GLCCI1: variants seen among roughly 807,000 people sequenced by gnomAD.
The protein encoded by GLCCI1 is glucocorticoid-induced transcript 1 protein.
In GLCCI1, 24 loss-of-function variants were observed where a neutral mutation model predicts 52.2. The ratio of observed to expected loss-of-function variants is 0.46; its 90% confidence interval spans 0.33 to 0.65. GLCCI1 has a LOEUF of 0.65. Among genes scored for constraint, GLCCI1 ranks in the 30% least tolerant of loss-of-function variants. GLCCI1 has a pLI of 0.02. For missense variants in GLCCI1, 704 were observed against 701.5 expected, an observed-to-expected ratio of 1.00 and a Z score of -0.04; for synonymous variants, 310 against 276.5, an observed-to-expected ratio of 1.12 and a Z score of -1.20.
chr7:8,061,641 T>C (rs1156546375), intron 5 of GLCCI1, among the ~76,000 whole-genome samples: 1 of 149,784 alleles, frequency 6.7e-6, no homozygotes, highest in East Asian at 2.0e-4. Flanking sequence ...ATGGCATCTC[T>C]GTTTACCATT....
chr7:7,995,823 C>T (rs1780927306), intron 1 of GLCCI1, among the ~76,000 whole-genome samples: 1 of 151,914 alleles, frequency 6.6e-6, no homozygotes, highest in South Asian at 2.1e-4. Flanking sequence ...ATGGGTGCAG[C>T]ACACCAACAT....
rs532862607 is a variant in GLCCI1, at chr7:8,055,443, A to G, written c.707A>G (p.Lys236Arg). 6.8e-6 allele frequency: 11 copies of G among 1,612,854 alleles called. No individual in the cohort carries two copies. Among genetic ancestry groups the G allele is most frequent in the Non-Finnish European group, 9.3e-6 (11 of 1,178,982 alleles). The change falls in exon 4 of 8, where the codon AAA becomes AGA. Residue 236 changes from lysine (K) to arginine (R), a missense_variant. Coordinates refer to ENST00000223145, the MANE Select transcript of GLCCI1 (RefSeq NM_138426.4). ...TCCCTGTCCCCAAAGCAGATCGCCA[A>G]ACTGAGGCAGCAACTACAACGCAGT... ...SADQLKEQIA[K>R]LRQQLQRSKQ...
At chr7:8,069,931 CTG>C (rs751310385) in intron 5 of GLCCI1, 2 of 152,164 alleles carry the variant, frequency 1.3e-5, no homozygotes, top group African/African-American at 2.4e-5. Flanking sequence ...CACTGCAGTC[CTG>C]TGTGTTTAAT....
At chr7:8,001,701 C>G (rs567362754) in intron 1 of GLCCI1, among the ~76,000 whole-genome samples, 31 of 152,272 alleles carry the variant, frequency 2.0e-4, no homozygotes, top group Non-Finnish European at 3.4e-4. Context: ...TTGGAACCAA[C>G]CCAAATGTCC....
intron 1 of GLCCI1, among the ~76,000 whole-genome samples, chr7:7,991,267 G>T (rs1324907518): frequency 6.6e-6 from 1 of 152,020 alleles, no homozygotes; most frequent in East Asian, 1.9e-4. Flanking sequence ...TAAATTGTAT[G>T]TTAAAATATA....
chr7:8,070,679 A>G (rs1050077589), intron 5 of GLCCI1: 14 of 400,946 alleles, frequency 3.5e-5, no homozygotes, highest in African/African-American at 2.7e-4. Context: ...GTGCTGACCT[A>G]CAGGTACATA....
intron 3 of GLCCI1, among the ~76,000 whole-genome samples, chr7:8,033,495 T>TA (rs1554261183): frequency 6.6e-6 from 1 of 152,076 alleles, no homozygotes; most frequent in Non-Finnish European, 1.5e-5. Context: ...ATCCTATATG[T>TA]AAAAACTCCT....
chr7:8,033,581 C>T (rs912538671), intron 3 of GLCCI1, among the ~76,000 whole-genome samples: 2 of 151,890 alleles, frequency 1.3e-5, no homozygotes, highest in African/African-American at 2.4e-5. Context: ...ATACAGAGAT[C>T]AATTATATTT....
chr7:8,024,607 G>A (rs188317809), intron 3 of GLCCI1: 1 of 152,206 alleles, frequency 6.6e-6, no homozygotes, highest in Non-Finnish European at 1.5e-5. Flanking sequence ...TTTTAATACT[G>A]TTGTGTTGGA....
intron 6 of GLCCI1, among the ~76,000 whole-genome samples, chr7:8,083,981 T>A (rs1783048942): frequency 6.6e-6 from 1 of 152,316 alleles, no homozygotes; most frequent in South Asian, 2.1e-4. Context: ...TAGATGAAAA[T>A]AATACATTTC....
At chr7:8,041,589 G>A (rs1215936693) in intron 3 of GLCCI1, among the ~76,000 whole-genome samples, 1 of 152,098 alleles carries the variant, frequency 6.6e-6, no homozygotes, top group Non-Finnish European at 1.5e-5. Context: ...CTCTTGTTAG[G>A]AGCTTGCTTT....
intron 3 of GLCCI1, among the ~76,000 whole-genome samples, chr7:8,038,881 C>T (rs1185450081): frequency 1.3e-5 from 2 of 151,956 alleles, no homozygotes; most frequent in Non-Finnish European, 2.9e-5. Flanking sequence ...GACTAATGCA[C>T]AGAATCTACA....
chr7:8,026,648 A>G (rs556274088), intron 3 of GLCCI1, among the ~76,000 whole-genome samples: 1 of 152,246 alleles, frequency 6.6e-6, no homozygotes, highest in Non-Finnish European at 1.5e-5. Flanking sequence ...GGAACTTTAC[A>G]CTGAACTCAG....
intron 3 of GLCCI1, among the ~76,000 whole-genome samples, chr7:8,031,488 C>A (rs146625932): frequency 1.1e-4 from 17 of 152,008 alleles, no homozygotes; most frequent in Non-Finnish European, 2.1e-4. Flanking sequence ...TTTGATAGTA[C>A]AACAGTGGGA....
At chr7:8,079,716 ACT>A (rs1289704312) in intron 6 of GLCCI1, among the ~76,000 whole-genome samples, 1 of 151,520 alleles carries the variant, frequency 6.6e-6, no homozygotes, top group East Asian at 1.9e-4. Flanking sequence ...TTTAATTCAT[ACT>A]TATGGAATGA....
intron 1 of GLCCI1, among the ~76,000 whole-genome samples, chr7:7,991,198 C>G (rs1193322318): frequency 1.3e-5 from 2 of 152,006 alleles, no homozygotes; most frequent in African/African-American, 2.4e-5. Context: ...TAGACAGTTA[C>G]GAGCTAATTT....
At chr7:8,036,747 A>C (rs1204545506) in intron 3 of GLCCI1, among the ~76,000 whole-genome samples, 1 of 152,204 alleles carries the variant, frequency 6.6e-6, no homozygotes, top group African/African-American at 2.4e-5. Flanking sequence ...TCATTGAATG[A>C]ATTACAAAAT....
intron 3 of GLCCI1, among the ~76,000 whole-genome samples, chr7:8,052,392 G>C (rs1354507451): frequency 6.6e-6 from 1 of 152,154 alleles, no homozygotes; most frequent in African/African-American, 2.4e-5. Context: ...CTTAAGTTGT[G>C]GGGAGCTGAC....
intron 1 of GLCCI1, chr7:7,981,315 T>C: frequency 4.4e-6 from 1 of 229,574 alleles, no homozygotes; most frequent in Non-Finnish European, 8.5e-6. Flanking sequence ...TCTTTCTGTC[T>C]CTCTTTCTTT....
Sources: gnomAD v4.1 joint callset for allele counts (sites outside exome capture counted in the v4.1 genomes callset) on GRCh38, gnomAD v4.1.1 for gene constraint, MANE v1.5 for transcripts, NCBI Gene and HGNC (gene_info 2026-07-23, HGNC 2026-07-21) for gene names.